Variants in RYR2 observed in about 807,000 individuals in gnomAD.
The protein encoded by RYR2 is cardiac muscle ryanodine receptor-calcium release channel.
A neutral mutation model predicts 601.1 loss-of-function variants in RYR2; 227 were observed. That is an observed-to-expected ratio of 0.38 (90% CI 0.34 to 0.42). RYR2 has a LOEUF of 0.42. RYR2 is among the 10% of genes least tolerant of loss of function. The probability of loss-of-function intolerance (pLI) is 1.00; values close to 1 mark genes in which losing one functional copy is unlikely to be tolerated. For missense variants in RYR2, 4,646 were observed against 6,156.5 expected (o/e 0.75, Z 8.21); for synonymous variants, 2,223 against 2,175.1 (o/e 1.02, Z -0.61).
chr1:237,562,316 A>G (rs1042258402), intron 27 of RYR2, among the ~76,000 whole-genome samples: 3 of 152,362 alleles, frequency 2.0e-5, no homozygotes, highest in Non-Finnish European at 2.9e-5. Context: ...AAGTATTATC[A>G]TTAGACCTAA....
In RYR2 at chr1:237,577,550, T is replaced by TG. The variant is rs1673395295; in HGVS notation, c.3598+8231_3598+8232insG. On this transcript the variant is annotated intron_variant, in intron 29 of 104. Coordinates refer to ENST00000366574, the MANE Select transcript of RYR2 (RefSeq NM_001035.3). ...TGTGTGTGTGTGCGTGTGTGTGTGTTTGAGAGAGAGAGAGAGAAAGAGAGA... is the reference window on the plus strand; with the variant it reads ...TGTGTGTGTGTGCGTGTGTGTGTGTTGTGAGAGAGAGAGAGAGAAAGAGAGA... Among the ~76,000 whole-genome samples the TG allele has an allele frequency of 6.3e-4, 30 of 47,552 alleles. 1 individual carries two copies. Among genetic ancestry groups the TG allele is most frequent in the East Asian group, 4.1e-3 (4 of 982 alleles). The allele number at this position is 47,552 out of a possible 152,430, so 31.2% of individuals were successfully genotyped here. A position where few individuals can be genotyped will look rare whatever the true frequency, so the allele number is the denominator to read the frequency against.
At chr1:237,085,757 A>G (rs1666255773) in intron 1 of RYR2, among the ~76,000 whole-genome samples, 1 of 151,970 alleles carries the variant, frequency 6.6e-6, no homozygotes, top group Non-Finnish European at 1.5e-5. Context: ...CCTGCTTCTG[A>G]CTTTTTTTTT....
At position 237,610,475 on chromosome 1, in the gene RYR2, G is replaced by C. The variant is rs1255452849; in HGVS notation, c.4684-287G>C. On this transcript the variant is annotated intron_variant, in intron 35 of 104. Transcript: ENST00000366574. The surrounding 1 kb of genome is among the most constrained non-coding windows in gnomAD (Gnocchi z 4.9). Reference sequence around the variant, plus strand: ...GGTAAAGAAATATAAAGGATATATGGGTATGCTTGGCCTTCTCTCTGTGCC... The same window carrying C: ...GGTAAAGAAATATAAAGGATATATGCGTATGCTTGGCCTTCTCTCTGTGCC... 6.6e-6 allele frequency among the ~76,000 whole-genome samples: 1 copy of C among 152,114 alleles called. No individual in the cohort carries two copies.
At chr1:237,177,832 G>A (rs566598062) in intron 1 of RYR2, among the ~76,000 whole-genome samples, 21 of 152,038 alleles carry the variant, frequency 1.4e-4, no homozygotes, top group African/African-American at 5.1e-4. Context: ...GTAGAGTATG[G>A]GCATGCTCAT....
chr1:237,375,990 ATTTATT>A (rs138589990), intron 7 of RYR2, among the ~76,000 whole-genome samples: 9,610 of 152,138 alleles, frequency 0.063, 405 homozygotes, highest in Non-Finnish European at 0.091. Flanking sequence ...TTCCTCAATT[ATTTATT>A]GTATTTATTA....
At position 237,369,618 on chromosome 1, in the gene RYR2, CAT is replaced by C. The variant is rs773309544; in HGVS notation, c.384+11_384+12del. On this transcript the variant is annotated intron_variant, in intron 6 of 104. Coordinates refer to ENST00000366574, the MANE Select transcript of RYR2 (RefSeq NM_001035.3). Reference sequence around the variant, plus strand: ...TTCCTATAGTGGCATGGTGAGTAGGCATTTGATTTCATCTCCCTGTGGTCATG... The same window carrying C: ...TTCCTATAGTGGCATGGTGAGTAGGCTTGATTTCATCTCCCTGTGGTCATG... 5 of 1,553,520 alleles carry C rather than the reference CAT, an allele frequency of 3.2e-6. No individual in the cohort carries two copies. In the African/African-American group the frequency reaches 6.8e-5, roughly 21 times the overall value.
At chr1:237,283,004 T>C (rs986464925) in intron 2 of RYR2, among the ~76,000 whole-genome samples, 4 of 152,280 alleles carry the variant, frequency 2.6e-5, no homozygotes, top group East Asian at 1.9e-4. Context: ...CACTTGCCAA[T>C]TTGCACACTT....
chr1:237,706,218 C>T (rs1015449587), intron 67 of RYR2, among the ~76,000 whole-genome samples: 1 of 152,082 alleles, frequency 6.6e-6, no homozygotes, highest in Non-Finnish European at 1.5e-5. Flanking sequence ...CACTGCACTC[C>T]AGCCTGGCAA....
intron 24 of RYR2, among the ~76,000 whole-genome samples, chr1:237,515,789 T>C (rs1331388780): frequency 2.9e-3 from 13 of 4,520 alleles, no homozygotes; most frequent in East Asian, 6.0e-3. Flanking sequence ...TTCCCCTACT[T>C]CCTCTTCTCC....
chr1:237,139,031 T>G (rs1673106321), intron 1 of RYR2, among the ~76,000 whole-genome samples: 1 of 152,158 alleles, frequency 6.6e-6, no homozygotes, highest in African/African-American at 2.4e-5. Context: ...TCCACTCCTA[T>G]ATATACCCTA....
intron 16 of RYR2, among the ~76,000 whole-genome samples, chr1:237,467,615 C>T (rs1660226353): frequency 6.6e-6 from 1 of 152,120 alleles, no homozygotes; most frequent in African/African-American, 2.4e-5. Context: ...AGGCGCTATA[C>T]ACAAAAAAGC....
Position 237,281,358 on chromosome 1 carries a change from G to T in RYR2, c.168+10742G>T, listed in dbSNP as rs112021806. ...TAAAGAATTCTCATTGTAGTCATAG[G>T]TGAGCTCCTAATTTCCCATTATGTT... On this transcript the variant is annotated intron_variant, in intron 2 of 104. Transcript: ENST00000366574. Among the ~76,000 whole-genome samples the T allele has an allele frequency of 9.9e-3, 1,500 of 152,210 alleles. 26 individuals carry two copies. The highest frequency in any genetic ancestry group is 0.032 in the African/African-American group (1,349 of 41,516).
intron 10 of RYR2, among the ~76,000 whole-genome samples, chr1:237,400,994 C>A (rs1016535859): frequency 1.8e-4 from 28 of 152,004 alleles, no homozygotes; most frequent in Non-Finnish European, 3.8e-4. Flanking sequence ...GAACTGTATC[C>A]CTAAAATAAT....
chr1:237,684,650 T>C (rs1355175117), intron 62 of RYR2, among the ~76,000 whole-genome samples: 2 of 152,182 alleles, frequency 1.3e-5, no homozygotes, highest in Non-Finnish European at 2.9e-5. Context: ...CAGGTATTTA[T>C]CGGAGTATAA....
At chr1:237,402,413 T>A (rs1340480990) in intron 10 of RYR2, among the ~76,000 whole-genome samples, 1 of 150,494 alleles carries the variant, frequency 6.6e-6, no homozygotes, top group Non-Finnish European at 1.5e-5. Context: ...AAAAAATATA[T>A]ATATGTATGA....
At chr1:237,072,518 A>G (rs1664487049) in intron 1 of RYR2, among the ~76,000 whole-genome samples, 1 of 152,178 alleles carries the variant, frequency 6.6e-6, no homozygotes. Flanking sequence ...ACCAACCAGC[A>G]AGGGGGAAGT....
chr1:237,328,469 C>A (rs1038096764), intron 2 of RYR2, among the ~76,000 whole-genome samples: 2 of 151,988 alleles, frequency 1.3e-5, no homozygotes, highest in African/African-American at 4.8e-5. Flanking sequence ...ACTTTAAATG[C>A]AGTTAGCTGT....
At chr1:237,238,984 C>T (rs1479862261) in intron 1 of RYR2, among the ~76,000 whole-genome samples, 2 of 152,164 alleles carry the variant, frequency 1.3e-5, no homozygotes, top group Admixed American at 1.3e-4. Flanking sequence ...TCTCACTCCT[C>T]TTTCATGAAG....
chr1:237,595,412 G>A, intron 33 of RYR2, 86 bp from the exon 34 acceptor site: 3 of 1,490,726 alleles, frequency 2.0e-6, no homozygotes, highest in South Asian at 1.3e-5. Flanking sequence ...TGCTTGCGCA[G>A]CATAATTTAG....
Sources: allele counts gnomAD v4.1 joint callset (sites outside exome capture counted in the v4.1 genomes callset), GRCh38; gene constraint gnomAD v4.1.1; non-coding constraint Gnocchi (gnomAD v3.1); transcripts MANE v1.5; gene names NCBI Gene and HGNC (gene_info 2026-07-23, HGNC 2026-07-21).